The following CLIC2 variants were observed in gnomAD, a reference collection of about 807,000 sequenced individuals.
The protein encoded by CLIC2 is CLIC family member 2, also known as chloride intracellular channel protein 2.
In CLIC2, 9 loss-of-function variants were observed where a neutral mutation model predicts 14.8. The ratio of observed to expected loss-of-function variants is 0.61; its 90% CI spans 0.37 to 1.06. The LOEUF is 1.06. CLIC2 is among the 50% of genes least tolerant of loss of function. The probability of loss-of-function intolerance (pLI) is 0.01; values close to 1 mark genes in which losing one functional copy is unlikely to be tolerated. For missense variants in CLIC2, 148 were observed against 181.4 expected, an observed-to-expected ratio of 0.82 and a Z score of 1.06; for synonymous variants, 61 against 66.3, an observed-to-expected ratio of 0.92 and a Z score of 0.39.
intron 1 of CLIC2, among the ~76,000 whole-genome samples, chrX:155,325,165 G>A (rs1557322179): frequency 8.9e-6 from 1 of 112,088 alleles, no homozygotes; most frequent in Non-Finnish European, 1.9e-5. Flanking sequence ...TAGTAGGAAT[G>A]TCAATTAGTT....
chrX:155,305,283 GT>G (rs1214449845), intron 1 of CLIC2, among the ~76,000 whole-genome samples: 7 of 112,224 alleles, frequency 6.2e-5, no homozygotes, highest in Admixed American at 1.9e-4. Context: ...GTGGTGCGCC[GT>G]TTTTTAAGCC....
chrX:155,288,614 C>T (rs2074951433), intron 3 of CLIC2, among the ~76,000 whole-genome samples: 1 of 111,587 alleles, frequency 9.0e-6, no homozygotes, highest in African/African-American at 3.3e-5. Context: ...TATGTCTGTC[C>T]ATGTGTGCTC....
rs782021638 is a variant in CLIC2 at position 155,291,719 on chromosome X, C to T, written c.293+7066G>A. Among the ~76,000 whole-genome samples, 11 of 112,189 alleles carry T rather than the reference C, an allele frequency of 9.8e-5. No individual in the cohort carries two copies. The South Asian group carries it at 4.0e-3, about 41-fold the overall frequency. ...TGATCAAACAACATAGGTAAAGATG[C>T]TTAAATGTATCTATCATTCAAGGAA... On this transcript the variant is annotated intron_variant, in intron 3 of 5. Coordinates refer to ENST00000369449, the MANE Select transcript of CLIC2 (RefSeq NM_001289.6).
At chrX:155,282,212 T>C (rs1022435936) in intron 3 of CLIC2, among the ~76,000 whole-genome samples, 1 of 111,853 alleles carries the variant, frequency 8.9e-6, no homozygotes, top group African/African-American at 3.3e-5. Context: ...TTCAGGTCTT[T>C]TTCATGGGTA....
At chrX:155,293,009 T>C in intron 3 of CLIC2, 1 of 744,179 alleles carries the variant, frequency 1.3e-6, no homozygotes, top group Non-Finnish European at 2.1e-6. Context: ...CCAGATGAGC[T>C]GTGGTATCTG....
intron 1 of CLIC2, among the ~76,000 whole-genome samples, chrX:155,302,784 T>C (rs2075025716): frequency 1.3e-5 from 1 of 78,152 alleles, no homozygotes. Flanking sequence ...GTTGTGTCTT[T>C]GTTCTCATTG....
At chrX:155,293,292 T>C (rs2074981316) in intron 3 of CLIC2, 7 of 1,027,314 alleles carry the variant, frequency 6.8e-6, no homozygotes, top group Non-Finnish European at 9.6e-6. Flanking sequence ...ACTCAGTTCC[T>C]GGGTACAAGC....
intron 1 of CLIC2, among the ~76,000 whole-genome samples, chrX:155,306,730 TGAGAGAGA>T (rs782017264): frequency 9.6e-6 from 1 of 103,946 alleles, no homozygotes; most frequent in Non-Finnish European, 2.0e-5. Context: ...AAAGCAGGAG[TGAGAGAGA>T]GAGAGAGAGA....
intron 1 of CLIC2, among the ~76,000 whole-genome samples, chrX:155,325,761 G>GATATATATAT (rs60334475): frequency 1.2e-4 from 4 of 32,861 alleles, no homozygotes; most frequent in East Asian, 1.0e-3. Flanking sequence ...AAGAAAATGT[G>GATATATATAT]ATATATATAT....
chrX:155,309,557 G>A, intron 1 of CLIC2: 1 of 285,861 alleles, frequency 3.5e-6, no homozygotes, highest in Non-Finnish European at 6.6e-6. Context: ...ATAAAAAGAG[G>A]TTTAATGGAC....
chrX:155,280,196 C>A, intron 3 of CLIC2, 128 bp from the exon 4 acceptor site: 1 of 495,118 alleles, frequency 2.0e-6, no homozygotes. Context: ...CCTTAGAAGT[C>A]TCTCAGTAGA....
intron 1 of CLIC2, among the ~76,000 whole-genome samples, chrX:155,311,113 T>G (rs782716809): frequency 8.9e-6 from 1 of 112,453 alleles, no homozygotes; most frequent in South Asian, 3.7e-4. Context: ...TCTTGGTGAT[T>G]AACATTCTGC....
At chrX:155,286,820 T>A (rs2074944737) in intron 3 of CLIC2, among the ~76,000 whole-genome samples, 2 of 112,390 alleles carry the variant, frequency 1.8e-5, no homozygotes, top group African/African-American at 3.2e-5. Context: ...TGAATGCGAT[T>A]TTTTTCTTGT....
intron 1 of CLIC2, among the ~76,000 whole-genome samples, chrX:155,325,930 G>A (rs1191872677): frequency 9.5e-6 from 1 of 105,460 alleles, no homozygotes; most frequent in Non-Finnish European, 1.9e-5. Flanking sequence ...GGAATGGAAA[G>A]CCAAACATGG....
At chrX:155,330,783 C>A (rs2075154162) in intron 1 of CLIC2, among the ~76,000 whole-genome samples, 1 of 110,145 alleles carries the variant, frequency 9.1e-6, no homozygotes, top group Admixed American at 9.7e-5. Context: ...GGACTAAGAT[C>A]CCTGGAGGAG....
At chrX:155,278,979 A>T (rs2074908685) in intron 5 of CLIC2, 170 bp downstream of exon 5, 1 of 490,680 alleles carries the variant, frequency 2.0e-6, no homozygotes, top group East Asian at 3.4e-5. Flanking sequence ...CCCAGAAGAG[A>T]ACATTATGGA....
rs2074903691 is a variant in CLIC2, at chrX:155,277,784, A to G, written c.*119T>C. On this transcript the variant is annotated 3_prime_UTR_variant, in exon 6 of 6. Coordinates refer to ENST00000369449, the MANE Select transcript of CLIC2 (RefSeq NM_001289.6). ...AATAGAAAATACAGAGTTCCTTTTC[A>G]TAAGAGAGTTGGATAGAAGAAACAG... The G allele has an allele frequency of 3.3e-6, 2 of 614,636 alleles. No homozygotes were observed. Among genetic ancestry groups the G allele is most frequent in the Non-Finnish European group, 5.3e-6 (2 of 380,874 alleles). The allele number at this position is 614,636 out of a possible 1,213,427, so 50.7% of individuals were successfully genotyped here. A position where few individuals can be genotyped will look rare whatever the true frequency, so the allele number is the denominator to read the frequency against.
chrX:155,295,983 A>G (rs1454627780), intron 3 of CLIC2, among the ~76,000 whole-genome samples: 1 of 111,756 alleles, frequency 8.9e-6, no homozygotes, highest in Admixed American at 9.5e-5. Context: ...TCAAAATACC[A>G]ATGTCATTTT....
At chrX:155,285,669 A>G (rs1332442290) in intron 3 of CLIC2, among the ~76,000 whole-genome samples, 1 of 111,462 alleles carries the variant, frequency 9.0e-6, no homozygotes, top group African/African-American at 3.3e-5. Flanking sequence ...CAGCAGACAT[A>G]TTGTCACCAT....
Sources: gnomAD v4.1 joint callset for allele counts (sites outside exome capture counted in the v4.1 genomes callset) on GRCh38, gnomAD v4.1.1 for gene constraint, MANE v1.5 for transcripts, NCBI Gene and HGNC (gene_info 2026-07-23, HGNC 2026-07-21) for gene names.